The following TSNARE1 variants were observed in gnomAD, a reference collection of about 807,000 sequenced individuals.
TSNARE1 encodes t-SNARE domain-containing protein 1.
A neutral mutation model predicts 62.0 loss-of-function variants in TSNARE1; 49 were observed. The observed-to-expected ratio is 0.79, with a 90% CI of 0.63 to 1.00. The LOEUF is 1.00. Among genes scored for constraint, TSNARE1 ranks in the 50% least tolerant of loss-of-function variants. The pLI, the probability that TSNARE1 is intolerant of heterozygous loss-of-function variation, is 0.00. For missense variants in TSNARE1, 755 were observed against 700.1 expected (o/e 1.08, Z -0.88); for synonymous variants, 328 against 294.4 (o/e 1.11, Z -1.17).
At chr8:142,223,094 C>T (rs576583860) in intron 13 of TSNARE1, among the ~76,000 whole-genome samples, 7 of 16,380 alleles carry the variant, frequency 4.3e-4, no homozygotes, top group South Asian at 1.7e-3. Context: ...ACTCATTCAT[C>T]CACTCATTCA....
intron 12 of TSNARE1, among the ~76,000 whole-genome samples, chr8:142,229,989 C>T (rs1292837501): frequency 6.6e-6 from 1 of 152,170 alleles, no homozygotes; most frequent in African/African-American, 2.4e-5. Flanking sequence ...AAGGTGATGC[C>T]TGGAAACTAC....
intron 1 of TSNARE1, among the ~76,000 whole-genome samples, chr8:142,374,417 G>T (rs775669199): frequency 1.1e-3 from 168 of 152,032 alleles, no homozygotes; most frequent in Middle Eastern, 3.4e-3. Flanking sequence ...GGTGGCTCAC[G>T]CCTGTAATCC....
chr8:142,276,995 C>T lies in TSNARE1; in HGVS notation c.1364-2132G>A, dbSNP rs1240586930. ...TGCACAAGGGGAGGGGGGCTGCTCC[C>T]GGTGCTGTGCGGCCGCGTGTTGCTC... On this transcript the variant is annotated intron_variant, in intron 11 of 13. Transcript: ENST00000524325. The T allele has an allele frequency of 7.1e-6, 7 of 985,462 alleles. No individual in the cohort carries two copies. In the South Asian group the frequency reaches 1.9e-4, roughly 26 times the overall value. The allele number at this position is 985,462 out of a possible 1,614,324, so 61.0% of individuals were successfully genotyped here.
intron 4 of TSNARE1, among the ~76,000 whole-genome samples, chr8:142,339,727 C>T (rs977666556): frequency 3.9e-5 from 6 of 152,256 alleles, no homozygotes; most frequent in African/African-American, 7.2e-5. Flanking sequence ...CAACCACTCC[C>T]GAGGGAGGTC....
chr8:142,255,473 C>CCATCAT (rs1818394769), intron 12 of TSNARE1, among the ~76,000 whole-genome samples: 1 of 32,796 alleles, frequency 3.0e-5, no homozygotes, highest in Non-Finnish European at 5.2e-5. Flanking sequence ...ACCATCACCA[C>CCATCAT]CACCATCACC....
At chr8:142,247,152 G>A (rs1017543749) in intron 12 of TSNARE1, among the ~76,000 whole-genome samples, 1 of 152,156 alleles carries the variant, frequency 6.6e-6, no homozygotes, top group Non-Finnish European at 1.5e-5. Flanking sequence ...GCAGCAGATG[G>A]GTGCCCACCG....
chr8:142,222,917 C>T (rs2129964459), intron 13 of TSNARE1, among the ~76,000 whole-genome samples: 1 of 150,234 alleles, frequency 6.7e-6, no homozygotes, highest in African/African-American at 2.5e-5. Flanking sequence ...TCCACTCATT[C>T]ACTCATTCAC....
At position 142,319,674 on chromosome 8, in the gene TSNARE1, G is replaced by A. The variant is rs576503632; in HGVS notation, c.894-1040C>T. On this transcript the variant is annotated intron_variant, in intron 6 of 13. Transcript: ENST00000524325. This position sits in a 1 kb window ranked among gnomAD's most constrained non-coding sequence, Gnocchi z 4.9. ...CCTGCACCAAGCAGGCCTTGGGGCC[G>A]ACACGTGGGAGCGAGCCTGGCACCA... Among the ~76,000 whole-genome samples the A allele has an allele frequency of 3.5e-4, 54 of 152,244 alleles. No individual in the cohort carries two copies. The highest frequency in any genetic ancestry group is 1.1e-3 in the African/African-American group (44 of 41,556).
intron 13 of TSNARE1, among the ~76,000 whole-genome samples, chr8:142,214,885 C>A (rs1410169590): frequency 1.3e-5 from 2 of 152,216 alleles, no homozygotes; most frequent in Non-Finnish European, 2.9e-5. Context: ...CTTCCAGCCT[C>A]CAGGGCAAAG....
rs147772559 is a variant in TSNARE1 at position 142,345,767 on chromosome 8, T to G, written c.214A>C (p.Ile72Leu). ...CCTCGCTTCCTGGCCCTTGGGACAATAGGCGTGCCTGCTGGCCCCAGATCA... is the reference window on the plus strand; with the variant it reads ...CCTCGCTTCCTGGCCCTTGGGACAAGAGGCGTGCCTGCTGGCCCCAGATCA... The part of the protein sequence containing the change: ...EGDLGPAGTP[I>L]VPRARKRGPG... The change falls in exon 3 of 14, where the codon ATT becomes CTT. Residue 72 changes from isoleucine (I) to leucine (L), a missense_variant. By Grantham distance (5) the Ile-to-Leu change is conservative (BLOSUM62 2). Transcript: ENST00000524325. 1.2e-6 allele frequency: 2 copies of G among 1,612,690 alleles called. No individual in the cohort carries two copies. Among genetic ancestry groups the G allele is most frequent in the Admixed American group, 1.7e-5 (1 of 59,864 alleles).
chr8:142,289,275 A>C (rs996717060), intron 10 of TSNARE1, among the ~76,000 whole-genome samples: 1 of 152,192 alleles, frequency 6.6e-6, no homozygotes, highest in Non-Finnish European at 1.5e-5. Flanking sequence ...TCTTTTCTGG[A>C]AAATGGCTCA....
At chr8:142,345,986 C>A in intron 2 of TSNARE1, 94 bp from the exon 3 acceptor site, 2 of 1,438,896 alleles carry the variant, frequency 1.4e-6, no homozygotes, top group South Asian at 2.7e-5. Context: ...CACCCAGGAC[C>A]CGAGATGCTC....
rs149572193 is a variant in TSNARE1, at chr8:142,318,587, C to A, written c.941G>T (p.Ser314Ile). 4 of 1,613,790 alleles carry A rather than the reference C, an allele frequency of 2.5e-6. No homozygotes were observed. The highest frequency in any genetic ancestry group is 1.7e-5 in the Admixed American group (1 of 60,020). The stretch of plus-strand genomic sequence containing the variant: ...CAGCTCGGCCATCTGCTTCACGGAG[C>A]TGGCGCTGGCTGCAATGGTCTTGTT... ...ETNKTIAASA[S>I]SVKQMAELLR... Residue 314 changes from serine (S) to isoleucine (I), a missense_variant, in exon 7 of 14, where the codon AGC becomes ATC. Ser to Ile is a moderately radical substitution (Grantham distance 142, BLOSUM62 -2). Coordinates refer to ENST00000524325, the MANE Select transcript of TSNARE1 (RefSeq NM_145003.5).
At chr8:142,260,973 G>GTAGGAGGAAAGGAGGAGA (rs1554631367) in intron 12 of TSNARE1, among the ~76,000 whole-genome samples, 3 of 18,102 alleles carry the variant, frequency 1.7e-4, no homozygotes, top group Non-Finnish European at 2.7e-4. Context: ...AGTCAGGGAG[G>GTAGGAGGAAAGGAGGAGA]GAGGGAGGGA....
At chr8:142,252,568 C>T (rs1016515986) in intron 12 of TSNARE1, among the ~76,000 whole-genome samples, 1 of 152,248 alleles carries the variant, frequency 6.6e-6, no homozygotes, top group Non-Finnish European at 1.5e-5. Context: ...CCTAAAGCTC[C>T]AGGCGAGGAA....
At position 142,303,193 on chromosome 8, in the gene TSNARE1, G is replaced by A. The variant is rs1826055474; in HGVS notation, c.1132-2549C>T. ...TCTGCCCTTTCCCAAACTGAAAGCT[G>A]CCTCACCATGCCATGTAGCTCAGGG... On this transcript the variant is annotated intron_variant, in intron 9 of 13. Transcript: ENST00000524325. Among the ~76,000 whole-genome samples, 6 of 152,196 alleles carry A rather than the reference G, an allele frequency of 3.9e-5. No individual in the cohort carries two copies. The South Asian group carries it at 1.2e-3, about 32-fold the overall frequency.
intron 1 of TSNARE1, among the ~76,000 whole-genome samples, chr8:142,376,951 G>A (rs1836390046): frequency 6.6e-6 from 1 of 152,228 alleles, no homozygotes; most frequent in Non-Finnish European, 1.5e-5. Context: ...AGAGAGGGAA[G>A]CACTCCTGAG....
chr8:142,327,380 C>G (rs576584810), intron 6 of TSNARE1, among the ~76,000 whole-genome samples: 3 of 151,972 alleles, frequency 2.0e-5, no homozygotes, highest in Non-Finnish European at 4.4e-5. Flanking sequence ...CAGCTCTGTA[C>G]CAGCCGGCGA....
chr8:142,286,147 C>T (rs1453688174), intron 10 of TSNARE1, among the ~76,000 whole-genome samples: 1 of 152,170 alleles, frequency 6.6e-6, no homozygotes, highest in Non-Finnish European at 1.5e-5. Context: ...CACCTCAAGC[C>T]AGGTTTGCTC....
Sources: gnomAD v4.1 joint callset for allele counts (sites outside exome capture counted in the v4.1 genomes callset) on GRCh38, gnomAD v4.1.1 for gene constraint, Gnocchi (gnomAD v3.1) non-coding constraint, MANE v1.5 for transcripts, NCBI Gene and HGNC (gene_info 2026-07-23, HGNC 2026-07-21) for gene names.